STAT4: variants seen among roughly 807,000 people sequenced by gnomAD.
The protein encoded by STAT4 is signal transducer and activator of transcription 4.
In STAT4, 42 loss-of-function variants were observed where a neutral mutation model predicts 110.5. That is an observed-to-expected ratio of 0.38 (90% CI 0.30 to 0.49). The LOEUF (loss-of-function observed/expected upper bound fraction) is 0.49. STAT4 is among the 20% of genes least tolerant of loss of function. The pLI is 0.95. For missense variants in STAT4, 632 were observed against 887.9 expected (o/e 0.71, Z 3.66); for synonymous variants, 284 against 302.2 (o/e 0.94, Z 0.63).
rs964887759 is a variant in STAT4, at chr2:191,109,111, G to C, written c.274-32786C>G. Among the ~76,000 whole-genome samples the C allele has an allele frequency of 2.0e-5, 3 of 152,168 alleles. No individual in the cohort carries two copies. The South Asian group carries it at 6.2e-4, about 32-fold the overall frequency. On this transcript the variant is annotated intron_variant, in intron 3 of 23. Coordinates refer to ENST00000392320, the MANE Select transcript of STAT4 (RefSeq NM_003151.4). ...GAGAAGAGAAGCATTTTAGATGTTT[G>C]CTGAGTGCTTTCACTGATTTCCTGT...
chr2:191,151,444 C>T (rs113656100), upstream of STAT4: 312 of 985,676 alleles, frequency 3.2e-4, 7 homozygotes, highest in African/African-American at 5.0e-3. The surrounding 1 kb of genome is among the most constrained non-coding windows in gnomAD (Gnocchi z 4.7). Flanking sequence ...ACACCAAACT[C>T]ATAGACCTTA....
intron 3 of STAT4, among the ~76,000 whole-genome samples, chr2:191,084,155 A>C (rs1697565546): frequency 6.6e-6 from 1 of 152,036 alleles, no homozygotes; most frequent in Admixed American, 6.6e-5. Flanking sequence ...CCAGCTACTT[A>C]GGAGGCTGAG....
chr2:191,057,163 C>G (rs534682927), intron 13 of STAT4, among the ~76,000 whole-genome samples: 3 of 152,280 alleles, frequency 2.0e-5, no homozygotes, highest in African/African-American at 7.2e-5. Flanking sequence ...TTCTCTTATC[C>G]CCCTGCCCTG....
intron 3 of STAT4, among the ~76,000 whole-genome samples, chr2:191,094,553 A>G (rs1171543377): frequency 1.3e-5 from 2 of 152,218 alleles, no homozygotes; most frequent in Non-Finnish European, 1.5e-5. Context: ...AGATTTTGTC[A>G]CTACCAGACC....
At position 191,033,883 on chromosome 2, in the gene STAT4, CAT is replaced by C; in HGVS notation, c.1715+26_1715+27del. ...ACAGAAAAAAAGAACATAATTAACT[CAT>C]ATGAAAAATATAGCCTATAACTTAC... On this transcript the variant is annotated intron_variant, in intron 19 of 23. Transcript: ENST00000392320. The surrounding 1 kb of genome is among the most constrained non-coding windows in gnomAD (Gnocchi z 6.9). The C allele has an allele frequency of 6.6e-7, 1 of 1,523,130 alleles. No homozygotes were observed. Among genetic ancestry groups the C allele is most frequent in the Middle Eastern group, 1.7e-4 (1 of 5,766 alleles). The allele number at this position is 1,523,130 out of a possible 1,614,324, so 94.4% of individuals were successfully genotyped here.
chr2:191,057,910 C>A, intron 13 of STAT4, 108 bp downstream of exon 13: 1 of 1,083,350 alleles, frequency 9.2e-7, no homozygotes, highest in South Asian at 1.4e-5. Flanking sequence ...TTCCTAATTT[C>A]AAATAAGAAA....
At chr2:191,151,592 C>A (rs886488548), upstream of STAT4, 4 of 985,472 alleles carry the variant, frequency 4.1e-6, no homozygotes, top group Middle Eastern at 5.2e-4. This position sits in a 1 kb window ranked among gnomAD's most constrained non-coding sequence, Gnocchi z 4.7. Flanking sequence ...AGTAGCCTTG[C>A]CCCTGGTTGC....
At chr2:191,123,831 T>C (rs770783786) in intron 3 of STAT4, among the ~76,000 whole-genome samples, 2 of 152,342 alleles carry the variant, frequency 1.3e-5, no homozygotes, top group East Asian at 3.9e-4. Context: ...ACTGCGTTAT[T>C]ATTGCTAGCC....
chr2:191,130,452 GACCTCGTGATCC>G (rs1428521515), intron 3 of STAT4, among the ~76,000 whole-genome samples: 1 of 151,546 alleles, frequency 6.6e-6, no homozygotes, highest in East Asian at 1.9e-4. Flanking sequence ...TCGATCTCCT[GACCTCGTGATCC>G]GCCCGCCTCG....
At chr2:191,137,158 C>A (rs547440221) in intron 3 of STAT4, among the ~76,000 whole-genome samples, 1 of 152,022 alleles carries the variant, frequency 6.6e-6, no homozygotes, top group East Asian at 1.9e-4. Flanking sequence ...ACCTGGCCAA[C>A]GTGGTGAAAC....
intron 3 of STAT4, among the ~76,000 whole-genome samples, chr2:191,145,982 G>A (rs1397822966): frequency 6.6e-6 from 1 of 152,116 alleles, no homozygotes; most frequent in Non-Finnish European, 1.5e-5. Context: ...GACTTATGCT[G>A]GGTGCTGGAA....
At chr2:191,095,153 T>G (rs1385313199) in intron 3 of STAT4, among the ~76,000 whole-genome samples, 2 of 151,734 alleles carry the variant, frequency 1.3e-5, no homozygotes, top group African/African-American at 4.8e-5. Context: ...AATAATAACT[T>G]TATTTTTAAA....
At position 191,041,156 on chromosome 2, in the gene STAT4, A is replaced by T. The variant is rs1310069193; in HGVS notation, c.1252-8T>A. The T allele has an allele frequency of 7.1e-7, 1 of 1,406,620 alleles. No homozygotes were observed. The highest frequency in any genetic ancestry group is 9.3e-7 in the Non-Finnish European group (1 of 1,071,458). 87.1% of individuals were successfully genotyped at this position (1,406,620 alleles called of 1,614,324 possible). On this transcript the variant is annotated splice_polypyrimidine_tract_variant and splice_region_variant and intron_variant, in intron 14 of 23. Coordinates refer to ENST00000392320, the MANE Select transcript of STAT4 (RefSeq NM_003151.4). The stretch of plus-strand genomic sequence containing the variant: ...AGTCACCATGTGACAGCCCTAAGGA[A>T]GAGAGAAATAAATTGTTACCTCACA...
chr2:191,146,749 G>T lies in STAT4; in HGVS notation c.137C>A (p.Ala46Asp). The T allele has an allele frequency of 6.5e-7, 1 of 1,537,938 alleles. No homozygotes were observed. The highest frequency in any genetic ancestry group is 8.7e-7 in the Non-Finnish European group (1 of 1,147,158). The change falls in exon 3 of 24, where the codon GCT becomes GAT. Residue 46 changes from alanine to aspartate, a missense_variant. Ala to Asp is a moderately radical substitution (Grantham distance 126). Around this residue, in one of 4 missense-constraint regions of STAT4, gnomAD observed 488 missense variants for 632.8 expected, o/e 0.77. Coordinates refer to ENST00000392320, the MANE Select transcript of STAT4 (RefSeq NM_003151.4). The surrounding 1 kb of genome is among the most constrained non-coding windows in gnomAD (Gnocchi z 4.5). Reference protein sequence around the residue: ...QWIENQDWEAASNNETMATIL... With the variant: ...QWIENQDWEADSNNETMATIL... The stretch of plus-strand genomic sequence containing the variant: ...CGTTGCCATGGTTTCATTGTTAGAA[G>T]CTGCCTCCCTAAAAAAAAAAAGGAT...
Position 191,039,408 on chromosome 2 carries a change from A to T in STAT4, c.1336-111T>A, listed in dbSNP as rs1238891716. ...AATCTCAAGCCAGCCCCACACCTCC[A>T]GTCCTGATGTCCATGGTGCCCTGGT... On this transcript the variant is annotated intron_variant, in intron 15 of 23. Coordinates refer to ENST00000392320, the MANE Select transcript of STAT4 (RefSeq NM_003151.4). This position sits in a 1 kb window ranked among gnomAD's most constrained non-coding sequence, Gnocchi z 4.7. The T allele has an allele frequency of 3.6e-6, 3 of 827,412 alleles. No individual in the cohort carries two copies. Among genetic ancestry groups the T allele is most frequent in the Non-Finnish European group, 6.2e-6 (3 of 486,348 alleles). The allele number at this position is 827,412 out of a possible 1,614,324, so 51.3% of individuals were successfully genotyped here.
At chr2:191,067,332 C>T (rs1265054352) in intron 6 of STAT4, among the ~76,000 whole-genome samples, 3 of 152,084 alleles carry the variant, frequency 2.0e-5, no homozygotes, top group Non-Finnish European at 2.9e-5. Flanking sequence ...ACGTGAAGTG[C>T]TCGGAAGCTC....
intron 3 of STAT4, among the ~76,000 whole-genome samples, chr2:191,136,023 C>CA (rs1491100052): frequency 3.4e-5 from 1 of 29,130 alleles, no homozygotes; most frequent in African/African-American, 1.4e-4. Context: ...AAAAAAAAAA[C>CA]CAAAAAACAA....
chr2:191,064,773 G>T, intron 8 of STAT4, 34 bp downstream of exon 8: 1 of 1,596,546 alleles, frequency 6.3e-7, no homozygotes, highest in Non-Finnish European at 8.5e-7. Flanking sequence ...GTTTCCTGTG[G>T]TTTTCACTAG....
intron 3 of STAT4, among the ~76,000 whole-genome samples, chr2:191,129,877 G>A (rs6709270): frequency 0.32 from 48,096 of 151,988 alleles, 7,979 homozygotes; most frequent in Middle Eastern, 0.46. Context: ...AACATAATTT[G>A]TCTTATAACT....
Sources: gnomAD v4.1 joint callset for allele counts (sites outside exome capture counted in the v4.1 genomes callset) on GRCh38, gnomAD v4.1.1 for gene constraint, gnomAD v4.1.1 regional missense constraint, Gnocchi (gnomAD v3.1) non-coding constraint, MANE v1.5 for transcripts, NCBI Gene and HGNC (gene_info 2026-07-23, HGNC 2026-07-21) for gene names.